MON2: variants seen among roughly 807,000 people sequenced by gnomAD.
The protein encoded by MON2 is MON2 regulator of endosome-to-Golgi trafficking, also known as protein MON2 homolog.
In MON2, 84 loss-of-function variants were observed where a neutral mutation model predicts 208.6. The observed-to-expected ratio is 0.40, with a 90% CI of 0.34 to 0.48. The LOEUF is 0.48. Among genes scored for constraint, MON2 ranks in the 20% least tolerant of loss-of-function variants. The pLI, the probability that MON2 is intolerant of heterozygous loss-of-function variation, is 0.59. For missense variants in MON2, 1,611 were observed against 2,015.4 expected, an observed-to-expected ratio of 0.80 and a Z score of 3.84; for synonymous variants, 660 against 694.0, an observed-to-expected ratio of 0.95 and a Z score of 0.77.
chr12:62,507,025 A>G (rs1478106386), intron 7 of MON2, among the ~76,000 whole-genome samples: 1 of 152,206 alleles, frequency 6.6e-6, no homozygotes, highest in Non-Finnish European at 1.5e-5. Flanking sequence ...TATAAGTAAA[A>G]TTTAAGAATT....
intron 12 of MON2, among the ~76,000 whole-genome samples, chr12:62,534,542 A>AAAAAATATAT (rs1555169522): frequency 2.2e-4 from 5 of 22,850 alleles, no homozygotes; most frequent in African/African-American, 3.9e-4. Flanking sequence ...AAAAAAAAAA[A>AAAAAATATAT]ATATATATAT....
chr12:62,548,983 C>G (rs2073622398), intron 22 of MON2, among the ~76,000 whole-genome samples: 1 of 151,920 alleles, frequency 6.6e-6, no homozygotes, highest in Non-Finnish European at 1.5e-5. Context: ...TTTACATGTA[C>G]TGGACACTGT....
intron 34 of MON2, chr12:62,589,056 C>A: frequency 2.0e-6 from 1 of 503,106 alleles, no homozygotes; most frequent in Non-Finnish European, 3.4e-6. Flanking sequence ...CTTTTCAGAC[C>A]ATGTTTTGTT....
At position 62,537,638 on chromosome 12, in the gene MON2, C is replaced by G. The variant is rs2073040207; in HGVS notation, c.2050C>G (p.Leu684Val). Residue 684 changes from leucine to valine, a missense_variant, in exon 16 of 35, where the codon CTT becomes GTT. Leu to Val is a conservative substitution (Grantham distance 32, BLOSUM62 1). Transcript: ENST00000393630. The part of the protein sequence containing the change: ...SKNIQCMRTL[L>V]NLAHCHGAVL... The stretch of plus-strand genomic sequence containing the variant: ...AAATATCCAGTGTATGAGGACTTTA[C>G]TTAACTTGGCGCATTGCCATGGGGC... 3.1e-6 allele frequency: 5 copies of G among 1,613,128 alleles called. No individual in the cohort carries two copies. The South Asian group carries it at 5.5e-5, about 18-fold the overall frequency.
chr12:62,477,601 G>A (rs2069163071), intron 1 of MON2, among the ~76,000 whole-genome samples: 1 of 102,478 alleles, frequency 9.8e-6, no homozygotes, highest in Non-Finnish European at 1.9e-5. Flanking sequence ...TTTTTTTTTA[G>A]AGACAGCATC....
intron 4 of MON2, among the ~76,000 whole-genome samples, 192 bp downstream of exon 4, chr12:62,495,339 G>T (rs1212612319): frequency 6.6e-6 from 1 of 152,100 alleles, no homozygotes; most frequent in African/African-American, 2.4e-5. Flanking sequence ...ACGTTGGGGT[G>T]CTTAAGCAAA....
At chr12:62,504,119 G>T (rs1207064813) in intron 7 of MON2, among the ~76,000 whole-genome samples, 2 of 151,930 alleles carry the variant, frequency 1.3e-5, no homozygotes, top group Non-Finnish European at 2.9e-5. Context: ...GCAGGTGTTT[G>T]ATAAATATTT....
chr12:62,544,697 C>T, intron 20 of MON2: 3 of 1,318,324 alleles, frequency 2.3e-6, no homozygotes, highest in South Asian at 2.6e-5. Flanking sequence ...ATCCTTTCTT[C>T]TCTGTGAATT....
chr12:62,490,667 G>A (rs1592851232), intron 2 of MON2, among the ~76,000 whole-genome samples: 1 of 151,978 alleles, frequency 6.6e-6, no homozygotes, highest in Non-Finnish European at 1.5e-5. Context: ...GTTTTTCAAA[G>A]TATACTTCAG....
At chr12:62,575,910 A>G (rs916003812) in intron 30 of MON2, among the ~76,000 whole-genome samples, 21 of 152,296 alleles carry the variant, frequency 1.4e-4, no homozygotes, top group East Asian at 1.9e-4. Context: ...AAGTTACACA[A>G]TCTGTGGACC....
chr12:62,580,331 A>T lies in MON2; in HGVS notation c.4610A>T (p.Tyr1537Phe). 1 of 1,610,386 alleles carries T rather than the reference A, an allele frequency of 6.2e-7. No individual in the cohort carries two copies. Residue 1537 changes from tyrosine (Y) to phenylalanine (F), a missense_variant, in exon 32 of 35, where the codon TAT becomes TTT. Transcript: ENST00000393630. ...CTTATCAGCAATGAGATACTACCTT[A>T]TGCCAATTTTATTCCTAAGGAATTT... ...VQLISNEILP[Y>F]ANFIPKEFVG...
Position 62,534,787 on chromosome 12 carries a change from A to G in MON2, c.1634-58A>G. On this transcript the variant is annotated intron_variant, in intron 12 of 34. Transcript: ENST00000393630. ...GGAAAATTTTAGAATTTCACATATT[A>G]ATACATATTGTGCTATCTATAATTA... 3 of 1,237,916 alleles carry G rather than the reference A, an allele frequency of 2.4e-6. No homozygotes were observed. In the South Asian group the frequency reaches 3.7e-5, roughly 15 times the overall value. 76.7% of individuals were successfully genotyped at this position (1,237,916 alleles called of 1,614,324 possible).
In MON2 at chr12:62,593,673, C is replaced by T. The variant is rs1023119247; in HGVS notation, c.*924C>T. The T allele has an allele frequency of 4.6e-5, 7 of 152,448 alleles. No homozygotes were observed. The highest frequency in any genetic ancestry group is 1.4e-4 in the African/African-American group (6 of 41,430). 9.4% of individuals were successfully genotyped at this position (152,448 alleles called of 1,614,324 possible). Reference sequence around the variant, plus strand: ...GGCTGTCTGGATTTTAAAGACTTTTCATATTTTATATTTCTACTGATTTTG... The same window carrying T: ...GGCTGTCTGGATTTTAAAGACTTTTTATATTTTATATTTCTACTGATTTTG... On this transcript the variant is annotated 3_prime_UTR_variant, in exon 35 of 35. Transcript: ENST00000393630.
chr12:62,547,631 A>T (rs1391954423), intron 22 of MON2, among the ~76,000 whole-genome samples: 1 of 152,198 alleles, frequency 6.6e-6, no homozygotes, highest in East Asian at 1.9e-4. Flanking sequence ...TAGACATAGA[A>T]TCCTAGTGAG....
At chr12:62,584,246 C>G (rs1345882787) in intron 32 of MON2, among the ~76,000 whole-genome samples, 2 of 152,116 alleles carry the variant, frequency 1.3e-5, no homozygotes, top group African/African-American at 4.8e-5. Context: ...ACATTTCTAA[C>G]AAGTTCTCTG....
At chr12:62,592,136 A>T (rs2075417167) in intron 34 of MON2, among the ~76,000 whole-genome samples, 2 of 152,222 alleles carry the variant, frequency 1.3e-5, no homozygotes, top group Admixed American at 1.3e-4. Flanking sequence ...ATTAAAAGGA[A>T]TATCAAGGAT....
At chr12:62,571,021 C>T (rs993354553) in intron 29 of MON2, among the ~76,000 whole-genome samples, 1 of 152,036 alleles carries the variant, frequency 6.6e-6, no homozygotes, top group Non-Finnish European at 1.5e-5. Context: ...TGAGCCACCA[C>T]GCTTGGCCAG....
intron 7 of MON2, among the ~76,000 whole-genome samples, chr12:62,502,243 T>G (rs1017786471): frequency 6.6e-6 from 1 of 151,430 alleles, no homozygotes; most frequent in Non-Finnish European, 1.5e-5. Flanking sequence ...AAAACAAAAT[T>G]TTTTTAAAAA....
chr12:62,473,993 CTT>C (rs1311798302), intron 1 of MON2, among the ~76,000 whole-genome samples: 3 of 152,134 alleles, frequency 2.0e-5, no homozygotes, highest in African/African-American at 7.2e-5. Context: ...GCTGATGACT[CTT>C]AAATCTACTT....
Sources: allele counts gnomAD v4.1 joint callset (sites outside exome capture counted in the v4.1 genomes callset), GRCh38; gene constraint gnomAD v4.1.1; transcripts MANE v1.5; gene names NCBI Gene and HGNC (gene_info 2026-07-23, HGNC 2026-07-21).